SYT14: variants seen among roughly 807,000 people sequenced by gnomAD.
The protein encoded by SYT14 is synaptotagmin-14.
In SYT14, 32 loss-of-function variants were observed where a neutral mutation model predicts 74.2. The observed-to-expected ratio is 0.43, with a 90% CI of 0.33 to 0.58. The LOEUF (loss-of-function observed/expected upper bound fraction) is 0.58. Ranked by LOEUF, SYT14 falls within the 20% of genes least tolerant of loss-of-function variation. SYT14 has a pLI of 0.05. For missense variants in SYT14, 791 were observed against 981.8 expected (o/e 0.81, Z 2.60); for synonymous variants, 298 against 337.7 (o/e 0.88, Z 1.29).
At chr1:210,130,269 C>A (rs2484031) in intron 7 of SYT14, among the ~76,000 whole-genome samples, 117,393 of 152,070 alleles carry the variant, frequency 0.77, 45,604 homozygotes, top group East Asian at 0.94. Context: ...AAAATTATTT[C>A]TCTCCTTGAT....
chr1:209,958,930 A>G (rs532986390), intron 2 of SYT14, among the ~76,000 whole-genome samples: 2 of 152,236 alleles, frequency 1.3e-5, no homozygotes, highest in East Asian at 3.9e-4. Flanking sequence ...GTTGGCGAGG[A>G]TGTGGAGGAA....
chr1:209,978,910 G>A (rs534085237), intron 2 of SYT14, among the ~76,000 whole-genome samples: 6 of 152,154 alleles, frequency 3.9e-5, no homozygotes, highest in Admixed American at 2.0e-4. Context: ...AGTGGCGGGC[G>A]CCCCTCCCCC....
chr1:209,947,101 C>T (rs2078835288), intron 1 of SYT14, among the ~76,000 whole-genome samples: 1 of 152,162 alleles, frequency 6.6e-6, no homozygotes. Flanking sequence ...AATGTTACTG[C>T]TCATTGACAA....
intron 1 of SYT14, among the ~76,000 whole-genome samples, chr1:209,940,887 C>A (rs764165411): frequency 6.6e-6 from 1 of 152,174 alleles, no homozygotes; most frequent in Non-Finnish European, 1.5e-5. Flanking sequence ...AACTGTTATA[C>A]CACTCCTTCA....
At chr1:210,103,417 G>A (rs1218777163) in intron 7 of SYT14, among the ~76,000 whole-genome samples, 2 of 151,824 alleles carry the variant, frequency 1.3e-5, no homozygotes, top group African/African-American at 4.8e-5. Context: ...GGGCGTGGTG[G>A]CAGGTGCCTG....
At chr1:210,026,638 A>ACACACTCACACT (rs374704255) in intron 5 of SYT14, among the ~76,000 whole-genome samples, 3 of 151,168 alleles carry the variant, frequency 2.0e-5, no homozygotes, top group Admixed American at 6.6e-5. Flanking sequence ...ACACACACAC[A>ACACACTCACACT]CACACTCACC....
At chr1:210,058,271 C>A (rs2081136795) in intron 5 of SYT14, among the ~76,000 whole-genome samples, 1 of 152,128 alleles carries the variant, frequency 6.6e-6, no homozygotes, top group Non-Finnish European at 1.5e-5. Context: ...CTGCTGTGCT[C>A]CCACTCCCAC....
intron 5 of SYT14, among the ~76,000 whole-genome samples, chr1:210,040,032 G>T (rs1023275341): frequency 8.6e-5 from 13 of 151,812 alleles, no homozygotes; most frequent in African/African-American, 3.1e-4. Context: ...CATTCCCAAA[G>T]GATTATAAAT....
intron 6 of SYT14, 149 bp downstream of exon 5, chr1:210,094,742 C>A: frequency 3.9e-6 from 4 of 1,028,044 alleles, no homozygotes; most frequent in Middle Eastern, 3.0e-4. Context: ...AATCTTTATC[C>A]AACAAACTTA....
chr1:210,069,792 A>G (rs894091415), intron 5 of SYT14, among the ~76,000 whole-genome samples: 7 of 151,130 alleles, frequency 4.6e-5, no homozygotes, highest in South Asian at 2.1e-4. Flanking sequence ...CACTTTTTCT[A>G]TGCTTTTTTT....
chr1:210,054,685 A>G (rs1336312120), intron 5 of SYT14, among the ~76,000 whole-genome samples: 1 of 152,152 alleles, frequency 6.6e-6, no homozygotes, highest in Admixed American at 6.5e-5. Context: ...TCAGACTCCC[A>G]CATGTCAGTG....
intron 2 of SYT14, among the ~76,000 whole-genome samples, chr1:209,971,640 G>T (rs2079258746): frequency 6.6e-6 from 1 of 152,094 alleles, no homozygotes; most frequent in South Asian, 2.1e-4. Flanking sequence ...TGATTGAGAT[G>T]ATCATGCAGT....
At chr1:209,953,776 A>T (rs1572060656) in intron 2 of SYT14, among the ~76,000 whole-genome samples, 1 of 152,308 alleles carries the variant, frequency 6.6e-6, no homozygotes. Flanking sequence ...GTTCATTTAA[A>T]ATCTTCTTCC....
intron 2 of SYT14, among the ~76,000 whole-genome samples, chr1:210,000,466 G>GTGCA (rs1553264181): frequency 1.4e-5 from 2 of 143,102 alleles, no homozygotes; most frequent in African/African-American, 2.6e-5. Flanking sequence ...GTCCTCATAC[G>GTGCA]CACACACACA....
intron 2 of SYT14, among the ~76,000 whole-genome samples, chr1:209,962,674 A>G (rs2079094996): frequency 6.6e-6 from 1 of 152,124 alleles, no homozygotes; most frequent in Non-Finnish European, 1.5e-5. Context: ...AAATTAACAT[A>G]TACGCTAAGA....
chr1:210,073,741 C>T (rs1009088950), intron 5 of SYT14, among the ~76,000 whole-genome samples: 8 of 151,354 alleles, frequency 5.3e-5, no homozygotes, highest in Non-Finnish European at 8.9e-5. Context: ...TTTTCTACTT[C>T]ATAAAACAAA....
chr1:210,163,210 C>T (rs1031232443), exon 10 of SYT14: 2 of 452,264 alleles, frequency 4.4e-6, no homozygotes, highest in Non-Finnish European at 8.8e-6. Context: ...CAGCTTGGTG[C>T]TTTCACTCTT....
intron 5 of SYT14, among the ~76,000 whole-genome samples, chr1:210,079,217 AAATT>A (rs1186839481): frequency 3.3e-5 from 5 of 152,092 alleles, no homozygotes; most frequent in East Asian, 1.9e-4. Flanking sequence ...ATAAATCAAT[AAATT>A]AATTAATTTG....
At chr1:209,971,403 A>G (rs2079253901) in intron 2 of SYT14, among the ~76,000 whole-genome samples, 1 of 151,916 alleles carries the variant, frequency 6.6e-6, no homozygotes, top group African/African-American at 2.4e-5. Flanking sequence ...TGCTCTAGGT[A>G]GGACTTCCAG....
Sources: allele counts gnomAD v4.1 joint callset (sites outside exome capture counted in the v4.1 genomes callset), GRCh38; gene constraint gnomAD v4.1.1; transcripts MANE v1.5; gene names NCBI Gene and HGNC (gene_info 2026-07-23, HGNC 2026-07-21).